The following CCDC144A variants were observed in gnomAD, a reference collection of about 807,000 sequenced individuals.
CCDC144A encodes the protein coiled-coil domain containing 144A, also known as coiled-coil domain-containing protein 144A.
CCDC144A carries 41 observed loss-of-function variants against 143.8 expected under a neutral mutation model. The ratio of observed to expected loss-of-function variants is 0.29; its 90% CI spans 0.22 to 0.37. The LOEUF (loss-of-function observed/expected upper bound fraction) is 0.37. Among genes scored for constraint, CCDC144A ranks in the 10% least tolerant of loss-of-function variants. CCDC144A has a pLI of 1.00. For synonymous variants in CCDC144A, 242 were observed against 517.9 expected (o/e 0.47, Z 7.23); for missense variants, 637 against 1,488.8 (o/e 0.43, Z 9.41).
chr17:16,670,508 A>G, the CCDC144A span, among the ~76,000 whole-genome samples: 1 of 147,304 alleles, frequency 6.8e-6, no homozygotes, highest in Non-Finnish European at 1.5e-5. Flanking sequence ...GACCTACTTC[A>G]TATTATTTTA....
chr17:16,733,642 C>T (rs1194656120), intron 11 of CCDC144A, among the ~76,000 whole-genome samples: 2 of 150,662 alleles, frequency 1.3e-5, no homozygotes. Flanking sequence ...AAGAAAAGCT[C>T]TGTAACTTCT....
At chr17:16,770,463 A>G (rs1915783791) in intron 15 of CCDC144A, among the ~76,000 whole-genome samples, 3 of 152,180 alleles carry the variant, frequency 2.0e-5, no homozygotes, top group Admixed American at 2.0e-4. Flanking sequence ...TTATTTTTAA[A>G]AATCTGTATT....
rs981498309 is a variant in CCDC144A at position 16,777,281 on chromosome 17, G to T, written c.*3648G>T. The T allele has an allele frequency of 6.7e-6, 1 of 149,886 alleles. No homozygotes were observed. Among genetic ancestry groups the T allele is most frequent in the Non-Finnish European group, 1.5e-5 (1 of 67,730 alleles). 9.3% of individuals were successfully genotyped at this position (149,886 alleles called of 1,614,324 possible). On this transcript the variant is annotated 3_prime_UTR_variant, in exon 17 of 17. Transcript: ENST00000399273. The stretch of plus-strand genomic sequence containing the variant: ...TAATAGTGGGGGATGTTAATACTCC[G>T]CTGGCAGCACTAGGCAGATCACCAA...
At chr17:16,765,078 G>A (rs1915538270) in intron 15 of CCDC144A, 1 of 92,672 alleles carries the variant, frequency 1.1e-5, no homozygotes, top group Non-Finnish European at 2.0e-5. Flanking sequence ...TTCACTCAGA[G>A]TAAGAGTCTA....
rs137855818 is a variant in CCDC144A at position 16,749,501 on chromosome 17, G to C, written c.3373-11924G>C. 1.6e-3 allele frequency among the ~76,000 whole-genome samples: 246 copies of C among 152,238 alleles called. 1 individual carries two copies. The highest frequency in any genetic ancestry group is 5.6e-3 in the African/African-American group (233 of 41,536). ...AAAAATTTATCATGACTTGCTTTAT[G>C]GTCAAACATGTTGTTGATCTTGGAG... On this transcript the variant is annotated intron_variant, in intron 12 of 16. Transcript: ENST00000399273.
chr17:16,758,117 C>G (rs1426505878), intron 12 of CCDC144A, among the ~76,000 whole-genome samples: 1 of 152,256 alleles, frequency 6.6e-6, no homozygotes, highest in African/African-American at 2.4e-5. Flanking sequence ...TCTGTCTATG[C>G]TGTGCATATT....
chr17:16,686,747 A>ACAC (rs1910796273), upstream of CCDC144A, among the ~76,000 whole-genome samples: 2 of 140,396 alleles, frequency 1.4e-5, no homozygotes, highest in Admixed American at 7.1e-5. Context: ...CACACACACA[A>ACAC]ACACACACAC....
At chr17:16,680,607 G>C in the CCDC144A span, among the ~76,000 whole-genome samples, 1 of 147,100 alleles carries the variant, frequency 6.8e-6, no homozygotes, top group African/African-American at 2.5e-5. Context: ...TAAAGAAAAA[G>C]GAAGGAAGGA....
In CCDC144A at chr17:16,690,249, G is replaced by A. The variant is rs1436125180; in HGVS notation, c.-152G>A. 1 of 537,834 alleles carries A rather than the reference G, an allele frequency of 1.9e-6. No homozygotes were observed. The highest frequency in any genetic ancestry group is 3.3e-6 in the Non-Finnish European group (1 of 304,184). The allele number at this position is 537,834 out of a possible 1,614,324, so 33.3% of individuals were successfully genotyped here. ...GGCTTGGCCTTACCCACGAGGCTTTGCGGTGGCTGTTGGCTTGGCGGTGGT... is the reference window on the plus strand; with the variant it reads ...GGCTTGGCCTTACCCACGAGGCTTTACGGTGGCTGTTGGCTTGGCGGTGGT... On this transcript the variant is annotated 5_prime_UTR_variant, in exon 1 of 17. Transcript: ENST00000399273.
At chr17:16,684,591 T>C (rs1247334795), upstream of CCDC144A, among the ~76,000 whole-genome samples, 2 of 151,572 alleles carry the variant, frequency 1.3e-5, no homozygotes, top group African/African-American at 2.4e-5. Flanking sequence ...GAGGCTGAAG[T>C]TGCAGTGAGC....
At chr17:16,686,918 C>T (rs760638358), upstream of CCDC144A, among the ~76,000 whole-genome samples, 10 of 152,188 alleles carry the variant, frequency 6.6e-5, no homozygotes, top group Middle Eastern at 3.4e-3. Flanking sequence ...CCAGGCCATC[C>T]GCTGGCGTGT....
chr17:16,686,313 G>A (rs1910780583), upstream of CCDC144A, among the ~76,000 whole-genome samples: 1 of 151,980 alleles, frequency 6.6e-6, no homozygotes, highest in South Asian at 2.1e-4. Context: ...TCTCCAATGG[G>A]AGCCCAAGTT....
At chr17:16,773,140 T>C (rs1198224102) in intron 16 of CCDC144A, among the ~76,000 whole-genome samples, 49 of 151,960 alleles carry the variant, frequency 3.2e-4, no homozygotes, top group African/African-American at 1.2e-3. Context: ...CTTAGTTAAC[T>C]ATGAAATATA....
At chr17:16,754,656 T>C (rs1914988211) in intron 12 of CCDC144A, among the ~76,000 whole-genome samples, 1 of 152,262 alleles carries the variant, frequency 6.6e-6, no homozygotes, top group African/African-American at 2.4e-5. Flanking sequence ...ATATGGTCTA[T>C]TCTGGAGAAT....
chr17:16,746,688 G>T, intron 12 of CCDC144A: 5 of 1,612,060 alleles, frequency 3.1e-6, no homozygotes, highest in Non-Finnish European at 4.2e-6. Context: ...AAGTAGTCGT[G>T]TGCTGGCAGC....
chr17:16,738,848 A>G (rs112913868), intron 12 of CCDC144A, among the ~76,000 whole-genome samples: 14,291 of 152,192 alleles, frequency 0.094, 881 homozygotes, highest in Non-Finnish European at 0.13. Flanking sequence ...CACTATGCTC[A>G]ACCTTTTGAG....
At chr17:16,686,747 A>AACACAC (rs142329474), upstream of CCDC144A, among the ~76,000 whole-genome samples, 1,453 of 140,464 alleles carry the variant, frequency 0.01, 8 homozygotes, top group South Asian at 0.012. Context: ...CACACACACA[A>AACACAC]ACACACACAC....
chr17:16,708,220 A>G (rs925541012), intron 4 of CCDC144A, among the ~76,000 whole-genome samples: 1 of 152,210 alleles, frequency 6.6e-6, no homozygotes, highest in African/African-American at 2.4e-5. Context: ...AAGATAGTCT[A>G]GATATATAAC....
intron 2 of CCDC144A, among the ~76,000 whole-genome samples, chr17:16,694,352 G>T (rs1488531956): frequency 1.3e-5 from 2 of 152,230 alleles, no homozygotes; most frequent in East Asian, 3.8e-4. Flanking sequence ...AGGCCTAGGT[G>T]GGAGGATCGC....
Sources: allele counts gnomAD v4.1 joint callset (sites outside exome capture counted in the v4.1 genomes callset), GRCh38; gene constraint gnomAD v4.1.1; transcripts MANE v1.5; gene names NCBI Gene and HGNC (gene_info 2026-07-23, HGNC 2026-07-21).